FGGY: variants seen among roughly 807,000 people sequenced by gnomAD.
FGGY encodes FGGY carbohydrate kinase domain-containing protein.
A neutral mutation model predicts 71.3 loss-of-function variants in FGGY; 72 were observed. The ratio of observed to expected loss-of-function variants is 1.01; its 90% CI spans 0.84 to 1.23. The LOEUF is 1.23. FGGY is among the 50% of genes most tolerant of loss of function. The pLI is 0.00. For synonymous variants in FGGY, 251 were observed against 250.3 expected (o/e 1.00, Z -0.02); for missense variants, 668 against 682.3 (o/e 0.98, Z 0.23).
intron 6 of FGGY, among the ~76,000 whole-genome samples, chr1:59,492,401 C>T (rs1296383084): frequency 6.6e-6 from 1 of 152,226 alleles, no homozygotes; most frequent in South Asian, 2.1e-4. Context: ...TGTACTTGTA[C>T]GGTGATCTGG....
At chr1:59,359,974 G>A (rs909179649) in intron 4 of FGGY, among the ~76,000 whole-genome samples, 5 of 152,068 alleles carry the variant, frequency 3.3e-5, no homozygotes, top group Admixed American at 1.3e-4. Context: ...TGGCATGGAC[G>A]TACATTTTTT....
chr1:59,340,124 A>G (rs1052992937), intron 3 of FGGY, 55 bp downstream of exon 3: 6 of 1,288,476 alleles, frequency 4.7e-6, no homozygotes, highest in Admixed American at 4.0e-5. Context: ...TGATTAATCC[A>G]ATGGGCCCAG....
chr1:59,312,036 G>A (rs2044436648), intron 1 of FGGY, among the ~76,000 whole-genome samples: 1 of 152,184 alleles, frequency 6.6e-6, no homozygotes, highest in Non-Finnish European at 1.5e-5. Flanking sequence ...TTTGTTGGCT[G>A]CGTAAATGGT....
chr1:59,496,864 T>C (rs1054865336), intron 6 of FGGY, among the ~76,000 whole-genome samples: 5 of 152,248 alleles, frequency 3.3e-5, no homozygotes, highest in Non-Finnish European at 7.3e-5. Flanking sequence ...CTGTGTACTT[T>C]GTTCAACTTT....
chr1:59,383,813 TCACC>T (rs2059764493), intron 5 of FGGY, among the ~76,000 whole-genome samples: 1 of 152,200 alleles, frequency 6.6e-6, no homozygotes, highest in African/African-American at 2.4e-5. Context: ...TTGAGTTTTC[TCACC>T]CATCCGGATC....
At chr1:59,649,812 C>T (rs1325398889) in intron 11 of FGGY, among the ~76,000 whole-genome samples, 1 of 142,226 alleles carries the variant, frequency 7.0e-6, no homozygotes, top group Non-Finnish European at 1.5e-5. Context: ...TGAGAGAGGG[C>T]ATCCCTGTCT....
At chr1:59,545,404 C>T (rs1024062609) in intron 7 of FGGY, among the ~76,000 whole-genome samples, 1 of 151,984 alleles carries the variant, frequency 6.6e-6, no homozygotes, top group African/African-American at 2.4e-5. Flanking sequence ...TGTGAGTTAA[C>T]TTGGCTGTTT....
In FGGY at chr1:59,627,366, A is replaced by G. The variant is rs116642191; in HGVS notation, c.1073+1317A>G. Among the ~76,000 whole-genome samples, 1,138 of 150,246 alleles carry G rather than the reference A, an allele frequency of 7.6e-3. 18 individuals carry two copies. The highest frequency in any genetic ancestry group is 0.026 in the African/African-American group (1,087 of 41,110). On this transcript the variant is annotated intron_variant, in intron 10 of 15. Transcript: ENST00000303721. ...TACAGTTGAGTGAAGAAATCAATAT[A>G]TTGTGGATAATAAGAGCCAGGTTCC...
intron 5 of FGGY, among the ~76,000 whole-genome samples, chr1:59,451,349 GACTGTT>G (rs893267020): frequency 1.5e-4 from 22 of 148,954 alleles, no homozygotes; most frequent in African/African-American, 5.0e-4. Context: ...TTCAGTTCCA[GACTGTT>G]ACTAAGTTTT....
intron 11 of FGGY, among the ~76,000 whole-genome samples, chr1:59,645,557 C>G (rs2097085790): frequency 6.6e-6 from 1 of 152,160 alleles, no homozygotes; most frequent in Non-Finnish European, 1.5e-5. Context: ...GTTTCCTCAT[C>G]AATACAACAG....
chr1:59,716,551 G>A (rs918872198), intron 14 of FGGY, among the ~76,000 whole-genome samples: 3 of 152,090 alleles, frequency 2.0e-5, no homozygotes, highest in Non-Finnish European at 4.4e-5. Context: ...TGTTTTATGC[G>A]GCAAACTAGC....
chr1:59,455,714 G>C (rs1354600081), intron 5 of FGGY, among the ~76,000 whole-genome samples: 1 of 152,202 alleles, frequency 6.6e-6, no homozygotes, highest in Non-Finnish European at 1.5e-5. Context: ...CATGATAAGG[G>C]CTATGGTAGA....
At chr1:59,388,263 G>T (rs2060304541) in intron 5 of FGGY, among the ~76,000 whole-genome samples, 2 of 152,124 alleles carry the variant, frequency 1.3e-5, no homozygotes. Flanking sequence ...AGCCATGCTG[G>T]TCACACTTGG....
intron 1 of FGGY, among the ~76,000 whole-genome samples, chr1:59,300,127 T>G (rs2042540036): frequency 6.6e-6 from 1 of 152,210 alleles, no homozygotes; most frequent in African/African-American, 2.4e-5. Flanking sequence ...GCAGCTTTAG[T>G]GAGGAATAAC....
chr1:59,661,564 T>C (rs897618639), intron 12 of FGGY, among the ~76,000 whole-genome samples: 1 of 152,096 alleles, frequency 6.6e-6, no homozygotes, highest in Non-Finnish European at 1.5e-5. Context: ...TGTAAAAATG[T>C]AGGAAATGAA....
intron 7 of FGGY, among the ~76,000 whole-genome samples, chr1:59,526,078 G>T (rs775198428): frequency 6.6e-6 from 1 of 152,152 alleles, no homozygotes; most frequent in Non-Finnish European, 1.5e-5. Context: ...GTGTGTGTCT[G>T]ATTTGTGATG....
chr1:59,558,944 A>G (rs2095739739), intron 8 of FGGY, among the ~76,000 whole-genome samples: 1 of 152,208 alleles, frequency 6.6e-6, no homozygotes, highest in Non-Finnish European at 1.5e-5. Context: ...GGCTGTCTGC[A>G]AGAAGAAAAA....
intron 8 of FGGY, among the ~76,000 whole-genome samples, chr1:59,586,228 C>T (rs1034791849): frequency 3.9e-5 from 6 of 152,150 alleles, no homozygotes; most frequent in African/African-American, 9.7e-5. Flanking sequence ...TATTGTGGCA[C>T]TATTCACAAT....
In FGGY at chr1:59,536,116, A is replaced by G. The variant is rs188648387; in HGVS notation, c.800-18008A>G. Among the ~76,000 whole-genome samples the G allele has an allele frequency of 5.7e-4, 86 of 151,950 alleles. 1 individual carries two copies. The East Asian group carries it at 0.016, about 29-fold the overall frequency. On this transcript the variant is annotated intron_variant, in intron 7 of 15. Coordinates refer to ENST00000303721, the MANE Select transcript of FGGY (RefSeq NM_018291.5). ...GTAATAAGGAAAAAAATAAGAATCAAATAGATGCAATAAAAAATGATAAAG... is the reference window on the plus strand; with the variant it reads ...GTAATAAGGAAAAAAATAAGAATCAGATAGATGCAATAAAAAATGATAAAG...
Sources: gnomAD v4.1 joint callset for allele counts (sites outside exome capture counted in the v4.1 genomes callset) on GRCh38, gnomAD v4.1.1 for gene constraint, MANE v1.5 for transcripts, NCBI Gene and HGNC (gene_info 2026-07-23, HGNC 2026-07-21) for gene names.